Variants in RSPH6A observed in about 807,000 individuals in gnomAD.
The protein encoded by RSPH6A is radial spoke head 6 homolog A, also known as radial spoke head protein 6 homolog A.
In RSPH6A, 49 loss-of-function variants were observed where a neutral mutation model predicts 66.1. That is an observed-to-expected ratio of 0.74 (90% confidence interval 0.59 to 0.94). The LOEUF is 0.94. RSPH6A is among the 40% of genes least tolerant of loss of function. The pLI is 0.00. For missense variants in RSPH6A, 977 were observed against 948.3 expected (o/e 1.03, Z -0.40); for synonymous variants, 419 against 402.4 (o/e 1.04, Z -0.49).
rs1285417716 is a variant in RSPH6A, at chr19:45,814,658, AAG to A, written c.517_518del (p.Leu173SerfsTer6). 2 of 1,610,244 alleles carry A rather than the reference AAG, an allele frequency of 1.2e-6. No individual in the cohort carries two copies. The highest frequency in any genetic ancestry group is 2.7e-5 in the African/African-American group (2 of 74,872). ...AGCCCAGCTCAGAGGGCAAGAACTG[AAG>A]GGCAGGGTCATCCCTTATGTAAGGC... ...HGPYIRDDPA[L>X]QFLPSELGFP... On this transcript the variant is annotated frameshift_variant, in exon 1 of 6. Coordinates refer to ENST00000221538, the MANE Select transcript of RSPH6A (RefSeq NM_030785.4). LOFTEE classifies it high-confidence loss of function.
At chr19:45,805,657 A>C (rs1972423) in intron 2 of RSPH6A, among the ~76,000 whole-genome samples, 49,752 of 151,734 alleles carry the variant, frequency 0.33, 8,292 homozygotes, top group Non-Finnish European at 0.35. Flanking sequence ...ACACCACTGC[A>C]CTCCAGCCTG....
At position 45,804,883 on chromosome 19, in the gene RSPH6A, G is replaced by A. The variant is rs777210732; in HGVS notation, c.1022C>T (p.Thr341Ile). The A allele has an allele frequency of 1.9e-5, 31 of 1,614,100 alleles. No individual in the cohort carries two copies. In the Middle Eastern group the frequency reaches 6.6e-4, roughly 34 times the overall value. Residue 341 changes from threonine (T) to isoleucine (I), a missense_variant, in exon 3 of 6, where the codon ACC becomes ATC. By Grantham distance (89) the Thr-to-Ile change is moderately conservative (BLOSUM62 -1). Transcript: ENST00000221538. This position sits in a 1 kb window ranked among gnomAD's most constrained non-coding sequence, Gnocchi z 5.8. ...KQLVEQQPIH[T>I]CRFWGKILGI... ...CAGGATCTTGCCCCAGAAGCGACAG[G>A]TGTGGATGGGCTGCTGCTCCACCAG...
chr19:45,814,020 G>T (rs4361036), intron 1 of RSPH6A, among the ~76,000 whole-genome samples: 130,277 of 151,988 alleles, frequency 0.86, 55,915 homozygotes, highest in East Asian at 0.9. Flanking sequence ...TTAGCTGGGT[G>T]AAGTGGAGCG....
In RSPH6A at chr19:45,815,177, G is replaced by C; in HGVS notation, c.-1C>G. ...CAGGGTAGGGCGGCAGGTCTCCCAT[G>C]GTTCGCCAGGAGGCACAGATCTCTA... On this transcript the variant is annotated 5_prime_UTR_variant, in exon 1 of 6. Coordinates refer to ENST00000221538, the MANE Select transcript of RSPH6A (RefSeq NM_030785.4). 1 of 1,594,464 alleles carries C rather than the reference G, an allele frequency of 6.3e-7. No homozygotes were observed. The highest frequency in any genetic ancestry group is 8.5e-7 in the Non-Finnish European group (1 of 1,174,188).
intron 5 of RSPH6A, among the ~76,000 whole-genome samples, chr19:45,798,253 G>C (rs1054621290): frequency 6.6e-6 from 1 of 152,096 alleles, no homozygotes; most frequent in African/African-American, 2.4e-5. Context: ...CAGCTACTAG[G>C]GGGGCTGAGG....
In RSPH6A at chr19:45,808,044, T is replaced by C. The variant is rs1970569376; in HGVS notation, c.888+2559A>G. Among the ~76,000 whole-genome samples, 4 of 152,212 alleles carry C rather than the reference T, an allele frequency of 2.6e-5. No individual in the cohort carries two copies. In the South Asian group the frequency reaches 6.2e-4, roughly 24 times the overall value. ...TTCTATTTATCTGACATCATCTATA[T>C]CCTAACTTAAAGGGACCTATGTTGT... is the stretch of plus-strand genomic sequence containing the variant. On this transcript the variant is annotated intron_variant, in intron 2 of 5. Transcript: ENST00000221538.
intron 1 of RSPH6A, 25 bp downstream of exon 1, chr19:45,814,502 C>T (rs754732527): frequency 1.7e-5 from 24 of 1,446,430 alleles, no homozygotes; most frequent in Middle Eastern, 2.1e-4. Context: ...GTCCCCCACC[C>T]GCCCCACTCC....
At chr19:45,811,495 T>C (rs975941044) in intron 1 of RSPH6A, among the ~76,000 whole-genome samples, 1 of 151,532 alleles carries the variant, frequency 6.6e-6, no homozygotes, top group Non-Finnish European at 1.5e-5. Context: ...TGGAGTGCAG[T>C]GGCACGACCT....
chr19:45,815,022 C>T lies in RSPH6A; in HGVS notation c.155G>A (p.Arg52Gln). The change falls in exon 1 of 6, where the codon CGA (arginine) becomes CAA (glutamine). Residue 52 changes from arginine (R) to glutamine (Q), a missense_variant. Coordinates refer to ENST00000221538, the MANE Select transcript of RSPH6A (RefSeq NM_030785.4). The part of the protein sequence containing the change: ...ERQQIPPDAQ[R>Q]NAPGWSQRGS... The stretch of plus-strand genomic sequence containing the variant: ...CCTCTGTGACCAACCAGGGGCGTTT[C>T]GCTGGGCGTCTGGAGGTATCTGCTG... 1.2e-6 allele frequency: 2 copies of T among 1,613,742 alleles called. No individual in the cohort carries two copies. Among genetic ancestry groups the T allele is most frequent in the South Asian group, 1.1e-5 (1 of 91,086 alleles).
Position 45,800,768 on chromosome 19 carries a change from A to T in RSPH6A, c.1799-205T>A, listed in dbSNP as rs1030637723. 1.3e-3 allele frequency among the ~76,000 whole-genome samples: 146 copies of T among 114,230 alleles called. 1 individual carries two copies. The highest frequency in any genetic ancestry group is 2.4e-3 in the Non-Finnish European group (120 of 50,226). The allele number at this position is 114,230 out of a possible 152,430, so 74.9% of individuals were successfully genotyped here. A position where few individuals can be genotyped will look rare whatever the true frequency, so the allele number is the denominator to read the frequency against. On this transcript the variant is annotated intron_variant, in intron 4 of 5. Transcript: ENST00000221538. ...CACACACACACACACACACACACAC[A>T]CACACACTCTCTCTCTCTCTCTCGC...
At position 45,804,216 on chromosome 19, in the gene RSPH6A, C is replaced by T; in HGVS notation, c.1653+36G>A. ...AGGGTCATGCGTGAGCCCCCTGCTC[C>T]TGCCGTTTGTGAGAGGCGGGAGTCC... On this transcript the variant is annotated intron_variant, in intron 3 of 5. Transcript: ENST00000221538. The surrounding 1 kb of genome is among the most constrained non-coding windows in gnomAD (Gnocchi z 5.8). 1.3e-6 allele frequency: 2 copies of T among 1,557,606 alleles called. No individual in the cohort carries two copies. The highest frequency in any genetic ancestry group is 1.7e-6 in the Non-Finnish European group (2 of 1,142,902).
At chr19:45,808,886 C>T (rs1250977329) in intron 2 of RSPH6A, among the ~76,000 whole-genome samples, 1 of 151,358 alleles carries the variant, frequency 6.6e-6, no homozygotes, top group African/African-American at 2.4e-5. Context: ...AGGATGGTCT[C>T]GATCTCCTGA....
At chr19:45,803,697 A>AG (rs1049888301) in intron 3 of RSPH6A, among the ~76,000 whole-genome samples, 96 of 150,864 alleles carry the variant, frequency 6.4e-4, no homozygotes, top group African/African-American at 2.0e-3. Flanking sequence ...AGAAAAGAAA[A>AG]AAAAAAAAAA....
intron 3 of RSPH6A, 132 bp from the exon 4 acceptor site, chr19:45,802,396 T>G: frequency 2.9e-6 from 2 of 694,840 alleles, no homozygotes; most frequent in East Asian, 6.8e-5. Context: ...GGGCAAGATT[T>G]AGCCGCACAG....
chr19:45,799,809 G>A (rs1970447900), intron 5 of RSPH6A, among the ~76,000 whole-genome samples: 1 of 152,198 alleles, frequency 6.6e-6, no homozygotes, highest in African/African-American at 2.4e-5. Context: ...CACTTTGGGA[G>A]GCCAAGGCGG....
In RSPH6A at chr19:45,804,720, GTCCTCCTCGCCC is replaced by G. The variant is rs759608967; in HGVS notation, c.1173_1184del (p.Glu391_Glu394del). 6.2e-7 allele frequency: 1 copy of G among 1,612,384 alleles called. No homozygotes were observed. Among genetic ancestry groups the G allele is most frequent in the Admixed American group, 1.7e-5 (1 of 59,800 alleles). On this transcript the variant is annotated inframe_deletion, in exon 3 of 6. Transcript: ENST00000221538. This position sits in a 1 kb window ranked among gnomAD's most constrained non-coding sequence, Gnocchi z 5.8. ...GGACGATGTCCACGGCCTTCTCCTC[GTCCTCCTCGCCC>G]TCCTCCTCGCCGTGCGCCTCCATGA...
intron 5 of RSPH6A, among the ~76,000 whole-genome samples, chr19:45,798,605 G>A (rs1183847254): frequency 2.7e-5 from 4 of 149,834 alleles, no homozygotes; most frequent in East Asian, 2.0e-4. Flanking sequence ...TTGGGAGGCC[G>A]AGGTGGGCGG....
At chr19:45,808,076 A>T (rs910109233) in intron 2 of RSPH6A, among the ~76,000 whole-genome samples, 2 of 152,252 alleles carry the variant, frequency 1.3e-5, no homozygotes, top group African/African-American at 4.8e-5. Context: ...TTGTCAAACA[A>T]GTAAAATAAG....
rs746281353 is a variant in RSPH6A at position 45,804,345 on chromosome 19, G to A, written c.1560C>T (p.Tyr520=). The A allele has an allele frequency of 3.1e-6, 5 of 1,614,190 alleles. No homozygotes were observed. The highest frequency in any genetic ancestry group is 2.2e-5 in the South Asian group (2 of 91,086). ...EEEGGAGRDS[Y]EENPDFEGIP... is the part of the protein sequence containing the mutation. ...TGCCCTCGAAGTCCGGGTTCTCCTC[G>A]TAGGAGTCGCGCCCAGCACCACCTT... The change falls in exon 3 of 6, where the codon TAC becomes TAT. Residue 520 remains tyrosine, a synonymous_variant. Transcript: ENST00000221538. The surrounding 1 kb of genome is among the most constrained non-coding windows in gnomAD (Gnocchi z 5.8).
Sources: allele counts gnomAD v4.1 joint callset (sites outside exome capture counted in the v4.1 genomes callset), GRCh38; gene constraint gnomAD v4.1.1; non-coding constraint Gnocchi (gnomAD v3.1); transcripts MANE v1.5; gene names NCBI Gene and HGNC (gene_info 2026-07-23, HGNC 2026-07-21).